TTC28: variants seen among roughly 807,000 people sequenced by gnomAD.
The protein encoded by TTC28 is tetratricopeptide repeat domain 28, also known as tetratricopeptide repeat protein 28.
TTC28 carries 61 observed loss-of-function variants against 198.0 expected under a neutral mutation model. The ratio of observed to expected loss-of-function variants is 0.31; its 90% CI spans 0.25 to 0.38. TTC28 has a LOEUF of 0.38. Ranked by LOEUF, TTC28 falls within the 10% of genes least tolerant of loss-of-function variation. The probability of loss-of-function intolerance (pLI) is 1.00; values close to 1 mark genes in which losing one functional copy is unlikely to be tolerated. For synonymous variants in TTC28, 1,171 were observed against 1,297.8 expected, an observed-to-expected ratio of 0.90 and a Z score of 2.10; for missense variants, 2,678 against 3,164.0, an observed-to-expected ratio of 0.85 and a Z score of 3.69.
At chr22:28,314,814 A>G (rs1456170412) in intron 2 of TTC28, among the ~76,000 whole-genome samples, 1 of 152,200 alleles carries the variant, frequency 6.6e-6, no homozygotes, top group African/African-American at 2.4e-5. Flanking sequence ...TCAAAGCCGT[A>G]GTGAGCTATG....
intron 5 of TTC28, among the ~76,000 whole-genome samples, chr22:28,176,175 G>C (rs1048605554): frequency 7.2e-5 from 11 of 152,110 alleles, no homozygotes; most frequent in African/African-American, 2.7e-4. Context: ...TGTCCAAAAA[G>C]GGATGAATGG....
intron 13 of TTC28, among the ~76,000 whole-genome samples, chr22:28,022,808 G>A (rs1333204742): frequency 1.3e-5 from 2 of 152,176 alleles, no homozygotes; most frequent in African/African-American, 4.8e-5. Flanking sequence ...AGTAACCAGA[G>A]ATGCCTCAAT....
chr22:28,114,457 CT>C (rs2146921889), intron 6 of TTC28, among the ~76,000 whole-genome samples: 1 of 152,292 alleles, frequency 6.6e-6, no homozygotes, highest in Non-Finnish European at 1.5e-5. Context: ...GCAAAGTGCT[CT>C]GTGTTAGAAA....
At chr22:28,656,028 A>T (rs1324541941) in intron 1 of TTC28, among the ~76,000 whole-genome samples, 1 of 152,188 alleles carries the variant, frequency 6.6e-6, no homozygotes, top group Non-Finnish European at 1.5e-5. Context: ...GAATTTGTTA[A>T]CTGAGTTTGA....
At chr22:28,454,136 T>G (rs1233211058) in intron 2 of TTC28, among the ~76,000 whole-genome samples, 1 of 152,224 alleles carries the variant, frequency 6.6e-6, no homozygotes, top group East Asian at 1.9e-4. Context: ...CTGACCAAAA[T>G]TAACCCGCCC....
chr22:28,288,257 C>T (rs1270938680), intron 5 of TTC28, among the ~76,000 whole-genome samples: 4 of 152,126 alleles, frequency 2.6e-5, no homozygotes, highest in African/African-American at 7.2e-5. Flanking sequence ...TGTGTGTTTC[C>T]ATATACCTTT....
intron 2 of TTC28, among the ~76,000 whole-genome samples, chr22:28,551,308 G>C (rs1360668471): frequency 6.6e-6 from 1 of 152,112 alleles, no homozygotes; most frequent in Non-Finnish European, 1.5e-5. Flanking sequence ...ACTCAAAGAT[G>C]AATTGCTACC....
chr22:28,032,267 A>ATATATATATATAGT (rs1226631612), intron 12 of TTC28, among the ~76,000 whole-genome samples: 1,044 of 77,612 alleles, frequency 0.013, 14 homozygotes, highest in Non-Finnish European at 0.019. Flanking sequence ...ATATATATAT[A>ATATATATATATAGT]GTGTGTGTGT....
intron 12 of TTC28, among the ~76,000 whole-genome samples, chr22:28,070,559 A>G (rs775439493): frequency 2.6e-5 from 4 of 152,190 alleles, no homozygotes; most frequent in Non-Finnish European, 4.4e-5. Context: ...AGATGGGTGG[A>G]TCACCTGAGC....
chr22:28,653,366 T>C (rs1029829848), intron 1 of TTC28, among the ~76,000 whole-genome samples: 2 of 151,860 alleles, frequency 1.3e-5, no homozygotes, highest in Admixed American at 6.6e-5. Flanking sequence ...TTGCCAGGAA[T>C]GTGGTGTGAG....
intron 5 of TTC28, among the ~76,000 whole-genome samples, chr22:28,239,783 G>A (rs1359958008): frequency 1.3e-5 from 2 of 152,100 alleles, no homozygotes; most frequent in African/African-American, 4.8e-5. Context: ...TTCTGATGAA[G>A]ATGAGGACCT....
At chr22:28,105,170 A>T in intron 8 of TTC28, 109 bp downstream of exon 8, 1 of 1,202,578 alleles carries the variant, frequency 8.3e-7, no homozygotes, top group Non-Finnish European at 1.2e-6. Flanking sequence ...CCCTTACTCC[A>T]CACAGAGGTG....
intron 12 of TTC28, among the ~76,000 whole-genome samples, chr22:28,069,191 A>T (rs1221135083): frequency 3.3e-5 from 5 of 152,214 alleles, no homozygotes; most frequent in Non-Finnish European, 7.3e-5. Context: ...TCAGAGCCCC[A>T]GGAGGCATGT....
chr22:28,035,447 C>G (rs540063439), intron 12 of TTC28, among the ~76,000 whole-genome samples: 10 of 152,250 alleles, frequency 6.6e-5, no homozygotes, highest in African/African-American at 2.4e-4. Flanking sequence ...TTTGCAGCCA[C>G]TGCCTATAAT....
chr22:28,092,933 T>C (rs1941856526), intron 12 of TTC28, among the ~76,000 whole-genome samples: 1 of 152,210 alleles, frequency 6.6e-6, no homozygotes, highest in Non-Finnish European at 1.5e-5. Flanking sequence ...GAAATTCTTA[T>C]ATTTGGCTAC....
At chr22:28,383,270 A>G (rs963921241) in intron 2 of TTC28, among the ~76,000 whole-genome samples, 10 of 152,118 alleles carry the variant, frequency 6.6e-5, no homozygotes, top group African/African-American at 2.4e-4. Flanking sequence ...TATTACATCT[A>G]TTGCTTTATA....
intron 2 of TTC28, among the ~76,000 whole-genome samples, chr22:28,590,781 G>T (rs947618712): frequency 1.3e-4 from 20 of 151,342 alleles, no homozygotes; most frequent in Admixed American, 1.1e-3. Context: ...GGCCGAGGTG[G>T]GTGGATCACT....
chr22:28,375,297 A>G (rs1490602815), intron 2 of TTC28, among the ~76,000 whole-genome samples: 1 of 152,168 alleles, frequency 6.6e-6, no homozygotes, highest in East Asian at 1.9e-4. Context: ...CTTCATATGC[A>G]CTAACTTATT....
At chr22:28,249,043 T>C (rs979111555) in intron 5 of TTC28, among the ~76,000 whole-genome samples, 2 of 152,152 alleles carry the variant, frequency 1.3e-5, no homozygotes, top group African/African-American at 4.8e-5. Flanking sequence ...TATTATATAA[T>C]TCTTTATATA....
Sources: gnomAD v4.1 joint callset for allele counts (sites outside exome capture counted in the v4.1 genomes callset) on GRCh38, gnomAD v4.1.1 for gene constraint, MANE v1.5 for transcripts, NCBI Gene and HGNC (gene_info 2026-07-23, HGNC 2026-07-21) for gene names.